The following PTPRT variants were observed in gnomAD, a reference collection of about 807,000 sequenced individuals.
PTPRT encodes the protein protein tyrosine phosphatase receptor type T.
Under a neutral mutation model 176.8 loss-of-function variants are expected in PTPRT, and 56 were observed. The ratio of observed to expected loss-of-function variants is 0.32; its 90% confidence interval spans 0.26 to 0.40. The LOEUF (loss-of-function observed/expected upper bound fraction) is 0.40. Ranked by LOEUF, PTPRT falls within the 10% of genes least tolerant of loss-of-function variation. The pLI is 1.00. For missense variants in PTPRT, 1,540 were observed against 1,908.2 expected (o/e 0.81, Z 3.60); for synonymous variants, 783 against 739.0 (o/e 1.06, Z -0.96).
Position 43,137,481 on chromosome 20 carries a change from T to C in PTPRT, c.88+52165A>G, listed in dbSNP as rs115815898. 4.5e-3 allele frequency among the ~76,000 whole-genome samples: 683 copies of C among 152,334 alleles called. 9 individuals are homozygous for C. The highest frequency in any genetic ancestry group is 0.016 in the African/African-American group (658 of 41,568). ...CCTTAAATATTTGCTATCTTACTAG[T>C]TGCAGAAAAAGTTAGCTACTCCTTC... On this transcript the variant is annotated intron_variant, in intron 1 of 30. Transcript: ENST00000373187.
At chr20:42,633,810 TATATATATAA>T (rs1385215951) in intron 7 of PTPRT, among the ~76,000 whole-genome samples, 2 of 94,638 alleles carry the variant, frequency 2.1e-5, no homozygotes, top group African/African-American at 1.0e-4. Flanking sequence ...TATATATATA[TATATATATAA>T]TAAAATATTA....
chr20:42,069,009 G>A (rs1050057041), downstream of PTPRT, among the ~76,000 whole-genome samples: 30 of 152,108 alleles, frequency 2.0e-4, no homozygotes, highest in Admixed American at 4.6e-4. Flanking sequence ...TCTTAAACTC[G>A]GACTCCAAAT....
intron 16 of PTPRT, among the ~76,000 whole-genome samples, chr20:42,164,028 A>G (rs1989720971): frequency 6.6e-6 from 1 of 152,268 alleles, no homozygotes; most frequent in Admixed American, 6.5e-5. Flanking sequence ...AGCTATGGCA[A>G]GAGCCACAGA....
At chr20:42,853,831 G>T (rs527937389) in intron 2 of PTPRT, among the ~76,000 whole-genome samples, 2 of 152,196 alleles carry the variant, frequency 1.3e-5, no homozygotes, top group African/African-American at 4.8e-5. Context: ...CCAGGATTGC[G>T]CCAGCAGGCT....
intron 13 of PTPRT, among the ~76,000 whole-genome samples, chr20:42,262,272 G>A (rs2146967463): frequency 6.6e-6 from 1 of 152,308 alleles, no homozygotes; most frequent in East Asian, 1.9e-4. Context: ...TTAGTGGGAG[G>A]TGAGGAGGGT....
At chr20:43,142,101 A>C (rs889090613) in intron 1 of PTPRT, among the ~76,000 whole-genome samples, 3 of 152,236 alleles carry the variant, frequency 2.0e-5, no homozygotes, top group African/African-American at 7.2e-5. Flanking sequence ...GGAACAATCT[A>C]AGAATTGCTA....
Position 42,771,501 on chromosome 20 carries a change from C to T in PTPRT, c.618G>A (p.Gly206=), listed in dbSNP as rs1441869714. 2 of 1,614,170 alleles carry T rather than the reference C, an allele frequency of 1.2e-6. No homozygotes were observed. Among genetic ancestry groups the T allele is most frequent in the Admixed American group, 1.7e-5 (1 of 60,022 alleles). Residue 206 remains glycine (G), a synonymous_variant, in exon 5 of 31, where the codon GGG becomes GGA. Coordinates refer to ENST00000373187, the MANE Select transcript of PTPRT (RefSeq NM_007050.6). ...CAATGCACTGAAATGTGGCATTCTG[C>T]CCCACATTCACCTCCACGTTTTGGA... ...LRLQNVEVNV[G]QNATFQCIAG...
intron 1 of PTPRT, among the ~76,000 whole-genome samples, chr20:43,127,371 C>T (rs1234235771): frequency 2.0e-5 from 3 of 149,484 alleles, no homozygotes; most frequent in African/African-American, 2.5e-5. Flanking sequence ...TGTAGTGAGC[C>T]GAGATCTTGC....
intron 15 of PTPRT, among the ~76,000 whole-genome samples, chr20:42,229,438 C>A (rs996178783): frequency 3.3e-5 from 5 of 152,164 alleles, no homozygotes; most frequent in Admixed American, 1.3e-4. Context: ...TCTTCTATTC[C>A]TATTTTTTCT....
chr20:42,830,064 TGAG>T (rs1163781359), intron 2 of PTPRT, among the ~76,000 whole-genome samples: 1 of 152,062 alleles, frequency 6.6e-6, no homozygotes, highest in Admixed American at 6.5e-5. Flanking sequence ...TCCAAAAAAT[TGAG>T]GAGGATAGAC....
chr20:42,510,653 A>T (rs2071937764), intron 7 of PTPRT, among the ~76,000 whole-genome samples: 1 of 152,076 alleles, frequency 6.6e-6, no homozygotes, highest in Admixed American at 6.6e-5. Context: ...AAAGCGGTAG[A>T]ACTAAGGGGT....
At chr20:42,587,869 T>C (rs950104454) in intron 7 of PTPRT, among the ~76,000 whole-genome samples, 1 of 152,174 alleles carries the variant, frequency 6.6e-6, no homozygotes, top group African/African-American at 2.4e-5. Context: ...TGCCACTGTT[T>C]AGCTGGGTGA....
At chr20:43,015,863 CATAAG>C (rs1985341388) in intron 1 of PTPRT, among the ~76,000 whole-genome samples, 2 of 149,472 alleles carry the variant, frequency 1.3e-5, no homozygotes, top group African/African-American at 5.0e-5. Flanking sequence ...CAGATATAAA[CATAAG>C]ATAAGAAAAC....
rs535146776 is a variant in PTPRT, at chr20:42,794,957, C to G, written c.215-3491G>C. Reference sequence around the variant, plus strand: ...CCACACCCTCCAGAAAGGAAGGGAGCCTATCTGCGAGTTGAGCTCAAGCGC... The same window carrying G: ...CCACACCCTCCAGAAAGGAAGGGAGGCTATCTGCGAGTTGAGCTCAAGCGC... On this transcript the variant is annotated intron_variant, in intron 2 of 30. Coordinates refer to ENST00000373187, the MANE Select transcript of PTPRT (RefSeq NM_007050.6). Among the ~76,000 whole-genome samples, 25 of 152,190 alleles carry G rather than the reference C, an allele frequency of 1.6e-4. No individual in the cohort carries two copies. The South Asian group carries it at 1.9e-3, about 11-fold the overall frequency.
intron 17 of PTPRT, among the ~76,000 whole-genome samples, chr20:42,149,422 ATTTT>A (rs11479052): frequency 2.1e-5 from 3 of 143,986 alleles, no homozygotes; most frequent in South Asian, 2.2e-4. Flanking sequence ...AAAGTTTTGG[ATTTT>A]TTTTTTTTTT....
At chr20:43,159,319 G>T (rs1460882355) in intron 1 of PTPRT, among the ~76,000 whole-genome samples, 1 of 152,200 alleles carries the variant, frequency 6.6e-6, no homozygotes, top group South Asian at 2.1e-4. Context: ...ATTGGAAGTC[G>T]GCTGGTGCAT....
intron 9 of PTPRT, among the ~76,000 whole-genome samples, chr20:42,392,854 A>G (rs1395315285): frequency 2.0e-5 from 3 of 152,210 alleles, no homozygotes; most frequent in African/African-American, 7.2e-5. Flanking sequence ...CCTAAAACAA[A>G]AGACAGATTA....
chr20:43,093,955 C>A (rs570567093), intron 1 of PTPRT, among the ~76,000 whole-genome samples: 1 of 152,312 alleles, frequency 6.6e-6, no homozygotes, highest in Non-Finnish European at 1.5e-5. Flanking sequence ...AATTCCACTT[C>A]TTCAGGGAAA....
chr20:43,083,347 T>TATATAC (rs2011506644), intron 1 of PTPRT, among the ~76,000 whole-genome samples: 33 of 97,706 alleles, frequency 3.4e-4, no homozygotes, highest in African/African-American at 3.9e-4. Flanking sequence ...TATATATATA[T>TATATAC]ATATATATAT....
Sources: gnomAD v4.1 joint callset for allele counts (sites outside exome capture counted in the v4.1 genomes callset) on GRCh38, gnomAD v4.1.1 for gene constraint, MANE v1.5 for transcripts, NCBI Gene and HGNC (gene_info 2026-07-23, HGNC 2026-07-21) for gene names.